The following LAMA2 variants were observed in gnomAD, a reference collection of about 807,000 sequenced individuals.
The protein encoded by LAMA2 is laminin subunit alpha-2.
LAMA2 carries 269 observed loss-of-function variants against 364.8 expected under a neutral mutation model. The observed-to-expected ratio is 0.74, with a 90% confidence interval of 0.67 to 0.82. The LOEUF (loss-of-function observed/expected upper bound fraction) is 0.82. Ranked by LOEUF, LAMA2 falls within the 40% of genes least tolerant of loss-of-function variation. LAMA2 has a pLI of 0.00. For missense variants in LAMA2, 3,807 were observed against 3,873.2 expected (o/e 0.98, Z 0.45); for synonymous variants, 1,379 against 1,370.6 (o/e 1.01, Z -0.14).
At chr6:129,405,730 A>G (rs1780215299) in intron 40 of LAMA2, among the ~76,000 whole-genome samples, 1 of 152,176 alleles carries the variant, frequency 6.6e-6, no homozygotes, top group Non-Finnish European at 1.5e-5. Flanking sequence ...AGTATAATAT[A>G]GTTCTACTTT....
At chr6:128,963,599 C>A (rs531900035) in intron 1 of LAMA2, among the ~76,000 whole-genome samples, 4 of 152,168 alleles carry the variant, frequency 2.6e-5, no homozygotes, top group Admixed American at 2.0e-4. Context: ...AGAACCTCAG[C>A]AAAACCTCAA....
intron 48 of LAMA2, among the ~76,000 whole-genome samples, chr6:129,458,804 G>A (rs1354365038): frequency 6.6e-6 from 1 of 151,906 alleles, no homozygotes. Flanking sequence ...ATCTAGATTT[G>A]TGCAAGTACT....
chr6:129,318,880 C>G (rs1453694289), intron 27 of LAMA2, among the ~76,000 whole-genome samples: 1 of 152,138 alleles, frequency 6.6e-6, no homozygotes, highest in Non-Finnish European at 1.5e-5. Context: ...TGAAGCAAAA[C>G]TATTCATTGT....
In LAMA2 at chr6:128,883,143, C is replaced by A; in HGVS notation, c.-103C>A. The A allele has an allele frequency of 8.5e-7, 1 of 1,182,780 alleles. No individual in the cohort carries two copies. The allele number at this position is 1,182,780 out of a possible 1,614,324, so 73.3% of individuals were successfully genotyped here. ...CCAGAGGGGGCTGTCTCCTCCTCTT[C>A]CCCAGCAGCTGCTGCTCGCTCAGCT... On this transcript the variant is annotated 5_prime_UTR_variant, in exon 1 of 65. Coordinates refer to ENST00000421865, the MANE Select transcript of LAMA2 (RefSeq NM_000426.4).
At chr6:129,199,318 A>T (rs1782037040) in intron 12 of LAMA2, among the ~76,000 whole-genome samples, 1 of 152,228 alleles carries the variant, frequency 6.6e-6, no homozygotes, top group Non-Finnish European at 1.5e-5. Context: ...TGTCTGAAAA[A>T]TTTTGAAAAC....
intron 8 of LAMA2, among the ~76,000 whole-genome samples, chr6:129,161,417 A>G (rs916483417): frequency 1.3e-5 from 2 of 152,120 alleles, no homozygotes; most frequent in Admixed American, 1.3e-4. Flanking sequence ...GTGTCACAAA[A>G]TTTTTGTTCC....
At chr6:129,355,602 G>A (rs1370557158) in intron 32 of LAMA2, among the ~76,000 whole-genome samples, 1 of 152,114 alleles carries the variant, frequency 6.6e-6, no homozygotes, top group Non-Finnish European at 1.5e-5. Context: ...ATAAGGCCTG[G>A]GGGTGAGAGT....
intron 16 of LAMA2, among the ~76,000 whole-genome samples, chr6:129,267,710 G>A (rs1012322098): frequency 4.6e-5 from 7 of 151,962 alleles, no homozygotes; most frequent in African/African-American, 1.7e-4. Context: ...AGTGTCATTT[G>A]TAGATTAAAA....
intron 1 of LAMA2, among the ~76,000 whole-genome samples, chr6:129,045,737 A>G (rs184341488): frequency 1.4e-4 from 21 of 152,284 alleles, no homozygotes; most frequent in Admixed American, 1.1e-3. Flanking sequence ...ATACAACATA[A>G]AGAAAATACT....
chr6:129,438,105 A>G (rs929528471), intron 41 of LAMA2, among the ~76,000 whole-genome samples: 1 of 151,730 alleles, frequency 6.6e-6, no homozygotes, highest in East Asian at 1.9e-4. Context: ...TTTCTTTATG[A>G]GAAAAATGAC....
chr6:129,211,726 A>G (rs970127018), intron 12 of LAMA2, among the ~76,000 whole-genome samples: 1 of 152,162 alleles, frequency 6.6e-6, no homozygotes, highest in African/African-American at 2.4e-5. Context: ...AAATGTTTCT[A>G]ATCACCCTAT....
intron 33 of LAMA2, among the ~76,000 whole-genome samples, chr6:129,369,071 A>G (rs560657866): frequency 1.5e-4 from 23 of 152,334 alleles, no homozygotes; most frequent in Middle Eastern, 3.4e-3. Flanking sequence ...ACTGGGTGCT[A>G]TTCAGAAGTG....
intron 1 of LAMA2, among the ~76,000 whole-genome samples, chr6:128,935,222 C>A (rs143337134): frequency 1.0e-4 from 14 of 139,796 alleles, no homozygotes; most frequent in African/African-American, 3.2e-4. Context: ...CAGCCCCACA[C>A]CCCCCCCAAC....
At chr6:129,200,678 A>G (rs1782229756) in intron 12 of LAMA2, among the ~76,000 whole-genome samples, 1 of 152,010 alleles carries the variant, frequency 6.6e-6, no homozygotes, top group Admixed American at 6.6e-5. Flanking sequence ...AAGAGTTAGG[A>G]CTTACTTTAA....
intron 1 of LAMA2, among the ~76,000 whole-genome samples, chr6:128,996,972 T>A (rs1015622878): frequency 6.6e-6 from 1 of 152,182 alleles, no homozygotes; most frequent in South Asian, 2.1e-4. Context: ...TCATGTCCTT[T>A]GCAGGGACAT....
chr6:128,990,786 T>A (rs1025844266), intron 1 of LAMA2, among the ~76,000 whole-genome samples: 5 of 152,072 alleles, frequency 3.3e-5, no homozygotes, highest in Non-Finnish European at 7.4e-5. Context: ...TTGAAACAAA[T>A]GAACTAAAAA....
At chr6:129,248,462 T>G (rs1425971325) in intron 12 of LAMA2, among the ~76,000 whole-genome samples, 1 of 152,216 alleles carries the variant, frequency 6.6e-6, no homozygotes, top group Non-Finnish European at 1.5e-5. Flanking sequence ...TGGAAAATTA[T>G]CCTTAATTCA....
Position 129,316,040 on chromosome 6 carries a change from A to G in LAMA2, c.3927A>G (p.Lys1309=). 11 of 1,614,134 alleles carry G rather than the reference A, an allele frequency of 6.8e-6. No homozygotes were observed. Among genetic ancestry groups the G allele is most frequent in the East Asian group, 2.2e-5 (1 of 44,880 alleles). The stretch of plus-strand genomic sequence containing the variant: ...GTGATTTCTCTTCTTGTTAACAGAA[A>G]GAATGGAAATATTATGGGGATGATC... ...LTRHEIEMTE[K]EWKYYGDDPR... is the part of the protein sequence containing the mutation. The change falls in exon 27 of 65, where the codon AAA becomes AAG. Residue 1309 remains lysine, a splice_region_variant and synonymous_variant. Transcript: ENST00000421865.
At chr6:128,900,721 C>T (rs1441020604) in intron 1 of LAMA2, among the ~76,000 whole-genome samples, 1 of 152,168 alleles carries the variant, frequency 6.6e-6, no homozygotes, top group African/African-American at 2.4e-5. Flanking sequence ...TGCTGCTTTC[C>T]TTCCTAGGTT....
Sources: allele counts gnomAD v4.1 joint callset (sites outside exome capture counted in the v4.1 genomes callset), GRCh38; gene constraint gnomAD v4.1.1; transcripts MANE v1.5; gene names NCBI Gene and HGNC (gene_info 2026-07-23, HGNC 2026-07-21).